GALNT17: variants seen among roughly 807,000 people sequenced by gnomAD.
GALNT17 encodes the protein polypeptide N-acetylgalactosaminyltransferase 17, also known as UDP-GalNAc:polypeptide N-acetylgalactosaminyltransferase-like 3.
GALNT17 carries 29 observed loss-of-function variants against 63.7 expected under a neutral mutation model. The ratio of observed to expected loss-of-function variants is 0.46; its 90% confidence interval spans 0.34 to 0.62. GALNT17 has a LOEUF of 0.62. Ranked by LOEUF, GALNT17 falls within the 20% of genes least tolerant of loss-of-function variation. The pLI, the probability that GALNT17 is intolerant of heterozygous loss-of-function variation, is 0.01. For missense variants in GALNT17, 603 were observed against 799.6 expected, an observed-to-expected ratio of 0.75 and a Z score of 2.97; for synonymous variants, 305 against 318.3, an observed-to-expected ratio of 0.96 and a Z score of 0.45.
At chr7:71,210,035 G>T (rs562740797) in intron 1 of GALNT17, among the ~76,000 whole-genome samples, 4 of 152,162 alleles carry the variant, frequency 2.6e-5, no homozygotes, top group Admixed American at 2.6e-4. Flanking sequence ...CAATTCTCCT[G>T]CCTCAGCCTC....
At chr7:71,644,426 T>C (rs983150646) in intron 6 of GALNT17, among the ~76,000 whole-genome samples, 1 of 149,236 alleles carries the variant, frequency 6.7e-6, no homozygotes, top group Admixed American at 6.7e-5. Context: ...TCCAAGCTAC[T>C]TGGGAGGCTG....
At chr7:71,329,669 G>A (rs572579993) in intron 1 of GALNT17, among the ~76,000 whole-genome samples, 4 of 152,142 alleles carry the variant, frequency 2.6e-5, no homozygotes, top group African/African-American at 7.2e-5. Flanking sequence ...GAGAGAGAGA[G>A]AAGGGGGAAG....
chr7:71,279,863 C>T (rs1790748433), intron 1 of GALNT17, among the ~76,000 whole-genome samples: 3 of 151,304 alleles, frequency 2.0e-5, no homozygotes, highest in African/African-American at 7.3e-5. Flanking sequence ...TGTTATTTGG[C>T]ATGTAAACTT....
chr7:71,185,909 T>C (rs747967225), intron 1 of GALNT17, among the ~76,000 whole-genome samples: 2 of 152,202 alleles, frequency 1.3e-5, no homozygotes, highest in Non-Finnish European at 2.9e-5. Flanking sequence ...AGAAAATATA[T>C]GAAGCACAAG....
intron 1 of GALNT17, among the ~76,000 whole-genome samples, chr7:71,298,283 G>C (rs1299466107): frequency 6.6e-6 from 1 of 151,936 alleles, no homozygotes; most frequent in South Asian, 2.1e-4. Flanking sequence ...GCCTCCCAAA[G>C]TGCTGGGATT....
At chr7:71,265,451 A>G (rs2115660021) in intron 1 of GALNT17, among the ~76,000 whole-genome samples, 1 of 152,160 alleles carries the variant, frequency 6.6e-6, no homozygotes, top group South Asian at 2.1e-4. Context: ...ATGTATCAAT[A>G]TTTTTTAATG....
At chr7:71,585,581 A>G (rs541785226) in intron 6 of GALNT17, among the ~76,000 whole-genome samples, 1 of 152,298 alleles carries the variant, frequency 6.6e-6, no homozygotes, top group African/African-American at 2.4e-5. Flanking sequence ...CCCTCTTAAG[A>G]TGACCAATGA....
intron 6 of GALNT17, among the ~76,000 whole-genome samples, chr7:71,664,895 C>T (rs1790960961): frequency 6.6e-6 from 1 of 152,160 alleles, no homozygotes; most frequent in Non-Finnish European, 1.5e-5. Flanking sequence ...TCCCAAGCCT[C>T]TTTTTTATAT....
intron 5 of GALNT17, among the ~76,000 whole-genome samples, chr7:71,493,533 CAA>C (rs537564050): frequency 2.1e-3 from 323 of 152,208 alleles, no homozygotes; most frequent in African/African-American, 5.8e-3. Context: ...GGGCAGCAGA[CAA>C]GAGAGAATGG....
At chr7:71,163,527 A>G (rs1788385281) in intron 1 of GALNT17, among the ~76,000 whole-genome samples, 1 of 152,228 alleles carries the variant, frequency 6.6e-6, no homozygotes, top group African/African-American at 2.4e-5. Context: ...CACGAGCCAA[A>G]CAGGGGGATT....
At chr7:71,405,130 T>C (rs1165508169) in intron 3 of GALNT17, among the ~76,000 whole-genome samples, 1 of 152,234 alleles carries the variant, frequency 6.6e-6, no homozygotes, top group Non-Finnish European at 1.5e-5. Context: ...TCCAAGCTAC[T>C]TGAGGGAGCC....
chr7:71,585,824 T>C (rs1371351390), intron 6 of GALNT17, among the ~76,000 whole-genome samples: 1 of 152,142 alleles, frequency 6.6e-6, no homozygotes, highest in Non-Finnish European at 1.5e-5. Context: ...ACATTGGACA[T>C]TTCTGTTGCC....
At chr7:71,654,808 G>C (rs192848204) in intron 6 of GALNT17, among the ~76,000 whole-genome samples, 98 of 152,150 alleles carry the variant, frequency 6.4e-4, no homozygotes, top group Admixed American at 3.1e-3. Flanking sequence ...ATTTTATTTT[G>C]AGATGGAGTC....
intron 9 of GALNT17, among the ~76,000 whole-genome samples, chr7:71,679,621 G>A (rs1238559596): frequency 6.6e-6 from 1 of 152,050 alleles, no homozygotes; most frequent in African/African-American, 2.4e-5. Flanking sequence ...GGAGGTGGGA[G>A]GTAGCCCAGT....
At chr7:71,410,625 C>G (rs1486745131) in intron 3 of GALNT17, among the ~76,000 whole-genome samples, 1 of 152,200 alleles carries the variant, frequency 6.6e-6, no homozygotes, top group Admixed American at 6.5e-5. Context: ...GGGCTCTGAG[C>G]CCAGGGATGG....
At chr7:71,385,820 A>T (rs1792932977) in intron 2 of GALNT17, among the ~76,000 whole-genome samples, 1 of 152,198 alleles carries the variant, frequency 6.6e-6, no homozygotes, top group Admixed American at 6.5e-5. Context: ...TAATCCCAGC[A>T]GTTTGGGAGG....
chr7:71,508,011 G>A (rs892572135), intron 5 of GALNT17, among the ~76,000 whole-genome samples: 1 of 152,096 alleles, frequency 6.6e-6, no homozygotes, highest in Non-Finnish European at 1.5e-5. Context: ...TTTAAGCTGC[G>A]CCAGTCCACC....
At chr7:71,614,347 G>A (rs1790166962) in intron 6 of GALNT17, among the ~76,000 whole-genome samples, 1 of 151,536 alleles carries the variant, frequency 6.6e-6, no homozygotes, top group African/African-American at 2.4e-5. Context: ...TCCAAATTAT[G>A]GATGCTCAGC....
intron 1 of GALNT17, among the ~76,000 whole-genome samples, chr7:71,297,219 G>A (rs1418427700): frequency 2.6e-5 from 4 of 152,218 alleles, no homozygotes; most frequent in East Asian, 1.9e-4. Context: ...CTCACCTAGG[G>A]CACAGTCTCA....
Sources: allele counts gnomAD v4.1 joint callset (sites outside exome capture counted in the v4.1 genomes callset), GRCh38; gene constraint gnomAD v4.1.1; transcripts MANE v1.5; gene names NCBI Gene and HGNC (gene_info 2026-07-23, HGNC 2026-07-21).